The following SMG1 variants were observed in gnomAD, a reference collection of about 807,000 sequenced individuals.
The protein encoded by SMG1 is SMG1 nonsense mediated mRNA decay associated PI3K related kinase.
In SMG1, 22 loss-of-function variants were observed where a neutral mutation model predicts 419.9. That is an observed-to-expected ratio of 0.05 (90% CI 0.04 to 0.07). SMG1 has a LOEUF of 0.07. Among genes scored for constraint, SMG1 ranks in the 10% least tolerant of loss-of-function variants. The pLI is 1.00. For missense variants in SMG1, 3,185 were observed against 4,342.0 expected, an observed-to-expected ratio of 0.73 and a Z score of 7.49; for synonymous variants, 1,538 against 1,553.5, an observed-to-expected ratio of 0.99 and a Z score of 0.23.
rs2030723545 is a variant in SMG1, at chr16:18,805,311, TA to T, written c.*4257del. 6.6e-6 allele frequency: 1 copy of T among 152,234 alleles called. No homozygotes were observed. The highest frequency in any genetic ancestry group is 2.4e-5 in the African/African-American group (1 of 41,466). The allele number at this position is 152,234 out of a possible 1,614,324, so 9.4% of individuals were successfully genotyped here. On this transcript the variant is annotated 3_prime_UTR_variant, in exon 63 of 63. Transcript: ENST00000446231. The stretch of plus-strand genomic sequence containing the variant: ...AGCCTGTTTTCAAAGAAAAACATTC[TA>T]AAAGTGTGCATTTCAGAACATAGAA...
chr16:18,883,315 T>C (rs954243078), intron 9 of SMG1, among the ~76,000 whole-genome samples: 3 of 152,208 alleles, frequency 2.0e-5, no homozygotes, highest in Non-Finnish European at 2.9e-5. Flanking sequence ...CTATGCTATA[T>C]TCGTACAGCC....
chr16:18,834,267 G>A lies in SMG1; in HGVS notation c.8502C>T (p.Ile2834=). The change falls in exon 50 of 63, where the codon ATC becomes ATT. Residue 2834 remains isoleucine, a synonymous_variant. Transcript: ENST00000446231. ...TCTCAGACGCTTCCATGGGGTTCGG[G>A]ATATCTAAGTCCTGTGGCACCAGGT... The part of the protein sequence containing the change: ...QCHLVPQDLD[I]PNPMEASETV... The A allele has an allele frequency of 6.2e-7, 1 of 1,610,898 alleles. No homozygotes were observed. Among genetic ancestry groups the A allele is most frequent in the Non-Finnish European group, 8.5e-7 (1 of 1,178,518 alleles).
Position 18,885,378 on chromosome 16 carries a change from T to C in SMG1, c.948+163A>G, listed in dbSNP as rs920603756. 28 of 894,834 alleles carry C rather than the reference T, an allele frequency of 3.1e-5. No homozygotes were observed. The East Asian group carries it at 7.0e-4, about 22-fold the overall frequency. The allele number at this position is 894,834 out of a possible 1,614,324, so 55.4% of individuals were successfully genotyped here. ...TATTTTCTTCAAATATTTTAAGGTA[T>C]GAATGTCAGAAAGAAAAATGCGGTA... On this transcript the variant is annotated intron_variant, in intron 7 of 62. Transcript: ENST00000446231.
At chr16:18,834,790 G>T in intron 49 of SMG1, 102 bp downstream of exon 49, 1 of 1,254,232 alleles carries the variant, frequency 8.0e-7, no homozygotes, top group Non-Finnish European at 1.1e-6. Context: ...CAAGTAAGCA[G>T]CTGTAACACT....
At position 18,819,627 on chromosome 16, in the gene SMG1, T is replaced by C. The variant is rs1013321099; in HGVS notation, c.9769A>G (p.Ile3257Val). The change falls in exon 56 of 63, where the codon ATT becomes GTT. Residue 3257 changes from isoleucine to valine, a missense_variant. By Grantham distance (29) the Ile-to-Val change is conservative. Coordinates refer to ENST00000446231, the MANE Select transcript of SMG1 (RefSeq NM_015092.5). The part of the protein sequence containing the change: ...QEKLAALESS[I>V]EQRLKWAGGA... ...CCTGCCCACTTGAGTCGCTGTTCAA[T>C]ACTTGATTCAAGTGCAGCTAGCTTC... 5.0e-6 allele frequency: 8 copies of C among 1,584,458 alleles called. No individual in the cohort carries two copies. Among genetic ancestry groups the C allele is most frequent in the South Asian group, 2.3e-5 (2 of 86,862 alleles).
intron 1 of SMG1, among the ~76,000 whole-genome samples, chr16:18,901,901 T>C (rs1399135937): frequency 7.5e-6 from 1 of 133,078 alleles, no homozygotes; most frequent in Non-Finnish European, 1.5e-5. Flanking sequence ...GCTGAGATCA[T>C]GCCACTGCAC....
chr16:18,851,667 C>A (rs552700389), intron 33 of SMG1, among the ~76,000 whole-genome samples: 2 of 152,252 alleles, frequency 1.3e-5, no homozygotes, highest in Admixed American at 1.3e-4. Flanking sequence ...CTCAGCCTCC[C>A]GAGTAGCTGG....
At chr16:18,884,215 C>A in intron 8 of SMG1, 48 bp from the exon 9 acceptor site, 2 of 887,966 alleles carry the variant, frequency 2.3e-6, no homozygotes, top group South Asian at 1.6e-5. Context: ...GAAAAAAACA[C>A]CAAAAAATCC....
chr16:18,900,186 T>C, intron 1 of SMG1: 1 of 526,696 alleles, frequency 1.9e-6, no homozygotes, highest in Non-Finnish European at 3.4e-6. Flanking sequence ...AAGCAAAAAT[T>C]GAGGTGGAAA....
At chr16:18,874,814 C>T (rs1258052406) in intron 13 of SMG1, among the ~76,000 whole-genome samples, 2 of 116,694 alleles carry the variant, frequency 1.7e-5, no homozygotes, top group Non-Finnish European at 1.6e-5. Flanking sequence ...GGCAGTGAGC[C>T]GAGATTGCAC....
intron 54 of SMG1, among the ~76,000 whole-genome samples, chr16:18,828,458 GAAGTT>G (rs1401709326): frequency 2.0e-5 from 3 of 152,172 alleles, no homozygotes; most frequent in Non-Finnish European, 4.4e-5. Flanking sequence ...AGAGCTTAAG[GAAGTT>G]AAGTACAAGT....
rs148129151 is a variant in SMG1 at position 18,818,717 on chromosome 16, T to C, written c.9894+785A>G. On this transcript the variant is annotated intron_variant, in intron 56 of 62. Transcript: ENST00000446231. Reference sequence around the variant, plus strand: ...CGACAGGTATGAAGTATGAGTATCATGTATTAGTCCAATTTTGTACTTAGT... The same window carrying C: ...CGACAGGTATGAAGTATGAGTATCACGTATTAGTCCAATTTTGTACTTAGT... Among the ~76,000 whole-genome samples the C allele has an allele frequency of 1.4e-4, 21 of 152,236 alleles. No homozygotes were observed. The East Asian group carries it at 2.1e-3, about 15-fold the overall frequency.
rs2034349540 is a variant in SMG1, at chr16:18,847,736, T to C, written c.5841+80A>G. The C allele has an allele frequency of 2.8e-5, 44 of 1,566,038 alleles. No individual in the cohort carries two copies. The South Asian group carries it at 4.3e-4, about 15-fold the overall frequency. ...TATACAATTGGAGAACCCTGACCAG[T>C]GATTGTCAATACAGATTGGCAAAAG... is the stretch of plus-strand genomic sequence containing the variant. On this transcript the variant is annotated intron_variant, in intron 37 of 62. Transcript: ENST00000446231.
At chr16:18,816,264 G>A in intron 58 of SMG1, 38 bp downstream of exon 58, 1 of 1,483,714 alleles carries the variant, frequency 6.7e-7, no homozygotes. Context: ...TTTTATAACA[G>A]AGGGAGAGTA....
chr16:18,812,754 T>C (rs1009759056), intron 60 of SMG1, among the ~76,000 whole-genome samples: 5 of 152,098 alleles, frequency 3.3e-5, no homozygotes, highest in African/African-American at 7.2e-5. Context: ...ATGTGCCATG[T>C]TGGTGTGCTG....
intron 1 of SMG1, among the ~76,000 whole-genome samples, chr16:18,914,042 C>G (rs1299957997): frequency 6.6e-6 from 1 of 151,994 alleles, no homozygotes; most frequent in East Asian, 2.0e-4. Flanking sequence ...TGGCACATGT[C>G]TGTAATCCCA....
intron 23 of SMG1, among the ~76,000 whole-genome samples, chr16:18,864,449 C>T (rs1013169443): frequency 1.9e-4 from 29 of 152,152 alleles, no homozygotes; most frequent in African/African-American, 6.3e-4. Context: ...CCACCTGCCT[C>T]GGCCTCCCAA....
chr16:18,889,664 C>A (rs1396163375), intron 5 of SMG1, 79 bp from the exon 6 acceptor site: 4 of 555,048 alleles, frequency 7.2e-6, no homozygotes, highest in Non-Finnish European at 1.3e-5. Flanking sequence ...ATACATCTTA[C>A]AAAAGAATGT....
chr16:18,924,081 T>C (rs1484117973), intron 1 of SMG1, among the ~76,000 whole-genome samples: 1 of 152,218 alleles, frequency 6.6e-6, no homozygotes, highest in Non-Finnish European at 1.5e-5. Flanking sequence ...CAGTATCGTC[T>C]ACCAAGGCGT....
Sources: gnomAD v4.1 joint callset for allele counts (sites outside exome capture counted in the v4.1 genomes callset) on GRCh38, gnomAD v4.1.1 for gene constraint, MANE v1.5 for transcripts, NCBI Gene and HGNC (gene_info 2026-07-23, HGNC 2026-07-21) for gene names.